EPB41L3: variants seen among roughly 807,000 people sequenced by gnomAD.
EPB41L3 encodes band 4.1-like protein 3.
Under a neutral mutation model 127.1 loss-of-function variants are expected in EPB41L3, and 57 were observed. That is an observed-to-expected ratio of 0.45 (90% confidence interval 0.36 to 0.56). The LOEUF is 0.56. Ranked by LOEUF, EPB41L3 falls within the 20% of genes least tolerant of loss-of-function variation. The pLI is 0.00. For missense variants in EPB41L3, 1,273 were observed against 1,372.2 expected (o/e 0.93, Z 1.14); for synonymous variants, 572 against 549.5 (o/e 1.04, Z -0.57).
intron 2 of EPB41L3, among the ~76,000 whole-genome samples, chr18:5,486,086 A>G (rs1204861994): frequency 6.6e-6 from 1 of 152,188 alleles, no homozygotes; most frequent in Non-Finnish European, 1.5e-5. Context: ...CCTGACTTCA[A>G]AATTTACTAC....
In EPB41L3 at chr18:5,433,478, A is replaced by C; in HGVS notation, c.903T>G (p.His301Gln). Residue 301 changes from histidine to glutamine, a missense_variant, in exon 8 of 23, where the codon CAT becomes CAG. His to Gln is a conservative substitution (Grantham distance 24). This residue lies in a region of EPB41L3 where 326 missense variants were observed against 440.2 expected (regional missense o/e 0.74). Transcript: ENST00000341928. ...KKLSMYGVDL[H>Q]HAKDSEGVEI... Reference sequence around the variant, plus strand: ...TTAAAAAGATGCATACCTTAGCATGATGTAAATCTACCCCATACATTGATA... The same window carrying C: ...TTAAAAAGATGCATACCTTAGCATGCTGTAAATCTACCCCATACATTGATA... The C allele has an allele frequency of 6.2e-7, 1 of 1,611,354 alleles. No individual in the cohort carries two copies. Among genetic ancestry groups the C allele is most frequent in the Non-Finnish European group, 8.5e-7 (1 of 1,177,852 alleles).
chr18:5,465,941 G>T (rs2084882830), intron 3 of EPB41L3, among the ~76,000 whole-genome samples: 1 of 150,576 alleles, frequency 6.6e-6, no homozygotes, highest in Non-Finnish European at 1.5e-5. Flanking sequence ...CAGTCTGGGG[G>T]TGAGTGATCC....
intron 3 of EPB41L3, among the ~76,000 whole-genome samples, chr18:5,466,960 C>T (rs1353665076): frequency 6.6e-6 from 1 of 151,964 alleles, no homozygotes; most frequent in Non-Finnish European, 1.5e-5. Context: ...CTGCCTTTCA[C>T]GGGGGAAATG....
rs531231742 is a variant in EPB41L3, at chr18:5,481,316, G to A, written c.184-2878C>T. 1.1e-3 allele frequency among the ~76,000 whole-genome samples: 160 copies of A among 152,282 alleles called. 1 individual carries two copies. Among genetic ancestry groups the A allele is most frequent in the African/African-American group, 3.5e-3 (144 of 41,548 alleles). ...CAGCAACAACCTGGAACTCAAATAT[G>A]AGGACGAGACAGATCCTGAGGCCAC... is the stretch of plus-strand genomic sequence containing the variant. On this transcript the variant is annotated intron_variant, in intron 2 of 22. Coordinates refer to ENST00000341928, the MANE Select transcript of EPB41L3 (RefSeq NM_012307.5).
chr18:5,533,932 A>G (rs2093489841), intron 1 of EPB41L3, among the ~76,000 whole-genome samples: 2 of 152,214 alleles, frequency 1.3e-5, no homozygotes, highest in South Asian at 4.1e-4. Context: ...TGGGAGGCTG[A>G]GATGGGCAGA....
intron 3 of EPB41L3, among the ~76,000 whole-genome samples, chr18:5,468,817 G>A (rs965922688): frequency 1.3e-5 from 2 of 152,226 alleles, no homozygotes; most frequent in African/African-American, 4.8e-5. Context: ...TTGGGAAGCT[G>A]AGGCAGGAGA....
chr18:5,398,691 G>A (rs912690921), intron 16 of EPB41L3: 1 of 399,400 alleles, frequency 2.5e-6, no homozygotes, highest in African/African-American at 2.1e-5. Context: ...GTAATGGGCA[G>A]TAGCAACGGT....
At chr18:5,628,650 G>A (rs956396165) in intron 1 of EPB41L3, among the ~76,000 whole-genome samples, 1 of 152,242 alleles carries the variant, frequency 6.6e-6, no homozygotes, top group Non-Finnish European at 1.5e-5. Flanking sequence ...CAGCCCGAGC[G>A]AGCCCAGGCG....
rs186441692 is a variant in EPB41L3, at chr18:5,533,863, C to T, written c.-12+10050G>A. 6.3e-3 allele frequency among the ~76,000 whole-genome samples: 895 copies of T among 142,048 alleles called. 5 individuals carry two copies. The highest frequency in any genetic ancestry group is 0.024 in the African/African-American group (854 of 36,050). 93.2% of individuals were successfully genotyped at this position (142,048 alleles called of 152,430 possible). A position where few individuals can be genotyped will look rare whatever the true frequency, so the allele number is the denominator to read the frequency against. On this transcript the variant is annotated intron_variant, in intron 1 of 22. Transcript: ENST00000341928. Reference sequence around the variant, plus strand: ...TTCCTAGGGCCACAGAAGTTATGGACCAGCCATAAAGAAACCCAAGGCCGG... The same window carrying T: ...TTCCTAGGGCCACAGAAGTTATGGATCAGCCATAAAGAAACCCAAGGCCGG...
chr18:5,526,943 G>C (rs74878977), intron 1 of EPB41L3, among the ~76,000 whole-genome samples: 6,151 of 151,086 alleles, frequency 0.041, 163 homozygotes, highest in East Asian at 0.093. Context: ...GCACTGAATA[G>C]AGACAGTGAA....
chr18:5,436,778 G>C (rs759763932), intron 6 of EPB41L3, among the ~76,000 whole-genome samples: 1 of 152,088 alleles, frequency 6.6e-6, no homozygotes, highest in Non-Finnish European at 1.5e-5. Flanking sequence ...AAATAAAACA[G>C]TTCTTCAATA....
intron 1 of EPB41L3, among the ~76,000 whole-genome samples, chr18:5,620,265 G>A (rs2094845509): frequency 1.3e-5 from 2 of 152,132 alleles, no homozygotes; most frequent in Non-Finnish European, 2.9e-5. Context: ...CCCACAATCT[G>A]GAAAATGACA....
At chr18:5,395,478 G>A (rs2073234405) in intron 20 of EPB41L3, 131 bp downstream of exon 20, 1 of 794,018 alleles carries the variant, frequency 1.3e-6, no homozygotes. Flanking sequence ...AGCTCCCCTT[G>A]CAGCTATCCC....
chr18:5,507,573 T>A (rs1038620275), intron 1 of EPB41L3, among the ~76,000 whole-genome samples: 1 of 152,186 alleles, frequency 6.6e-6, no homozygotes, highest in Non-Finnish European at 1.5e-5. Context: ...TTTGTTTCAG[T>A]TGAAAAATGT....
chr18:5,505,268 C>T (rs1474217852), intron 1 of EPB41L3, among the ~76,000 whole-genome samples: 1 of 152,134 alleles, frequency 6.6e-6, no homozygotes, highest in African/African-American at 2.4e-5. Flanking sequence ...TCAATCCATC[C>T]TCCCAGAGTC....
chr18:5,584,705 A>T (rs756999354), intron 3 of EPB41L3, among the ~76,000 whole-genome samples: 8 of 152,218 alleles, frequency 5.3e-5, no homozygotes, highest in Non-Finnish European at 8.8e-5. Context: ...AGTAAAATTG[A>T]TGCTTCTTTT....
intron 1 of EPB41L3, among the ~76,000 whole-genome samples, chr18:5,616,890 T>C (rs1324688788): frequency 2.6e-5 from 4 of 152,230 alleles, no homozygotes; most frequent in African/African-American, 4.8e-5. Flanking sequence ...CTCTTGTCCA[T>C]AGACATTTGT....
chr18:5,614,673 A>G (rs2094771331), intron 1 of EPB41L3, among the ~76,000 whole-genome samples: 1 of 136,146 alleles, frequency 7.3e-6, no homozygotes. Flanking sequence ...CCTGATTCTT[A>G]GGAAAAAACC....
In EPB41L3 at chr18:5,489,109, C is replaced by A. The variant is rs769317207; in HGVS notation, c.75G>T (p.Ala25=). The change falls in exon 2 of 23, where the codon GCG becomes GCT. Residue 25 remains alanine (A), a synonymous_variant. Coordinates refer to ENST00000341928, the MANE Select transcript of EPB41L3 (RefSeq NM_012307.5). ...GCACGGGCGCCCCCGCGCGCCCCTG[C>A]GCCCCCGCCGCCTCCTGGGGCTCGG... The part of the protein sequence containing the change: ...QEAEPQEAAG[A]QGRAGAPVPE... The A allele has an allele frequency of 1.1e-5, 17 of 1,593,818 alleles. No homozygotes were observed. Among genetic ancestry groups the A allele is most frequent in the Non-Finnish European group, 1.3e-5 (15 of 1,174,552 alleles).
Sources: allele counts gnomAD v4.1 joint callset (sites outside exome capture counted in the v4.1 genomes callset), GRCh38; gene constraint gnomAD v4.1.1; regional missense constraint gnomAD v4.1.1; transcripts MANE v1.5; gene names NCBI Gene and HGNC (gene_info 2026-07-23, HGNC 2026-07-21).